POU6F2: variants seen among roughly 807,000 people sequenced by gnomAD.
POU6F2 encodes POU class 6 homeobox 2, also known as POU domain, class 6, transcription factor 2.
A neutral mutation model predicts 71.3 loss-of-function variants in POU6F2; 31 were observed. The observed-to-expected ratio is 0.43, with a 90% CI of 0.33 to 0.59. POU6F2 has a LOEUF of 0.59. Among genes scored for constraint, POU6F2 ranks in the 20% least tolerant of loss-of-function variants. POU6F2 has a pLI of 0.04. For missense variants in POU6F2, 783 were observed against 856.8 expected (o/e 0.91, Z 1.07); for synonymous variants, 347 against 355.7 (o/e 0.98, Z 0.27).
rs542982781 is a variant in POU6F2 at position 39,029,737 on chromosome 7, A to T, written c.105+51679A>T. ...CCTAGTTTGTTGAAAATTTTATCTT[A>T]TATTTTATAATTGTCATGAAATTAT... On this transcript the variant is annotated intron_variant, in intron 1 of 9. Coordinates refer to ENST00000518318, the MANE Select transcript of POU6F2 (RefSeq NM_001370959.1). Among the ~76,000 whole-genome samples, 377 of 152,278 alleles carry T rather than the reference A, an allele frequency of 2.5e-3. 2 individuals are homozygous for T. The highest frequency in any genetic ancestry group is 8.7e-3 in the African/African-American group (361 of 41,576).
intron 1 of POU6F2, among the ~76,000 whole-genome samples, chr7:38,994,943 C>A (rs1427993232): frequency 3.9e-5 from 6 of 152,170 alleles, no homozygotes; most frequent in Admixed American, 3.9e-4. Flanking sequence ...TCCAAGAATC[C>A]CCATTGACAG....
chr7:39,444,387 C>G (rs1788476317), intron 7 of POU6F2, among the ~76,000 whole-genome samples: 1 of 152,188 alleles, frequency 6.6e-6, no homozygotes, highest in Non-Finnish European at 1.5e-5. Context: ...AGTTCGAGAC[C>G]ACCCTGGGTA....
chr7:39,232,303 A>G (rs193211932), intron 4 of POU6F2, among the ~76,000 whole-genome samples: 6 of 152,076 alleles, frequency 3.9e-5, no homozygotes, highest in Admixed American at 1.3e-4. Flanking sequence ...TAAATAGATA[A>G]CAAAAGGTTT....
intron 2 of POU6F2, among the ~76,000 whole-genome samples, chr7:39,122,424 G>A (rs572619569): frequency 2.6e-4 from 39 of 152,246 alleles, no homozygotes; most frequent in African/African-American, 8.7e-4. Flanking sequence ...CACCTGAATG[G>A]GCATGTTCAT....
intron 2 of POU6F2, among the ~76,000 whole-genome samples, chr7:39,154,203 C>T (rs567092066): frequency 6.6e-6 from 1 of 152,138 alleles, no homozygotes; most frequent in Non-Finnish European, 1.5e-5. Flanking sequence ...GTCATTCCCA[C>T]ACTCTGTTGT....
intron 4 of POU6F2, among the ~76,000 whole-genome samples, chr7:39,330,677 A>G (rs1785625428): frequency 6.6e-6 from 1 of 152,230 alleles, no homozygotes; most frequent in African/African-American, 2.4e-5. Context: ...AAATCACACC[A>G]CATTTTACTT....
rs990959007 is a variant in POU6F2 at position 39,302,073 on chromosome 7, G to C, written c.599-37569G>C. 2.6e-5 allele frequency among the ~76,000 whole-genome samples: 4 copies of C among 152,144 alleles called. No individual in the cohort carries two copies. The East Asian group carries it at 5.8e-4, about 22-fold the overall frequency. ...TACAGTTGCTGTGAGTTTTGCATGA[G>C]AATGAAGTCAATTTCTCCAGTCTAT... On this transcript the variant is annotated intron_variant, in intron 4 of 9. Transcript: ENST00000518318.
At chr7:39,265,490 G>A (rs1267079356) in intron 4 of POU6F2, among the ~76,000 whole-genome samples, 1 of 152,096 alleles carries the variant, frequency 6.6e-6, no homozygotes, top group Non-Finnish European at 1.5e-5. Flanking sequence ...ACATTTAAAC[G>A]TTTACATGTG....
At chr7:39,140,270 G>T (rs1302669949) in intron 2 of POU6F2, among the ~76,000 whole-genome samples, 1 of 152,208 alleles carries the variant, frequency 6.6e-6, no homozygotes, top group African/African-American at 2.4e-5. Context: ...GTGGACAGGA[G>T]TCTCTTGGCA....
chr7:39,295,180 A>T (rs1397525959), intron 4 of POU6F2, among the ~76,000 whole-genome samples: 2 of 151,824 alleles, frequency 1.3e-5, no homozygotes, highest in East Asian at 3.9e-4. Context: ...ATTTAGTCCA[A>T]ATTGTCTTTT....
intron 2 of POU6F2, among the ~76,000 whole-genome samples, chr7:39,122,507 T>G (rs549772471): frequency 1.3e-5 from 2 of 152,260 alleles, no homozygotes; most frequent in South Asian, 4.2e-4. Context: ...ACACAAGTAT[T>G]TTAAAAGACA....
chr7:39,466,182 G>A lies in POU6F2; in HGVS notation c.*1496G>A, dbSNP rs555226063. ...GAATTGGGGGCCAGGTTCTTCAGGG[G>A]AAAGGAAGTTTGAAGAAGCTTTCAC... On this transcript the variant is annotated 3_prime_UTR_variant, in exon 10 of 10. Coordinates refer to ENST00000518318, the MANE Select transcript of POU6F2 (RefSeq NM_001370959.1). The A allele has an allele frequency of 6.6e-6, 1 of 152,304 alleles. No individual in the cohort carries two copies. The highest frequency in any genetic ancestry group is 6.5e-5 in the Admixed American group (1 of 15,304). 9.4% of individuals were successfully genotyped at this position (152,304 alleles called of 1,614,324 possible).
At chr7:39,306,012 A>AC (rs896145825) in intron 4 of POU6F2, among the ~76,000 whole-genome samples, 3 of 151,944 alleles carry the variant, frequency 2.0e-5, no homozygotes, top group African/African-American at 7.3e-5. Flanking sequence ...CCTTTAAAAA[A>AC]AAAATCTATA....
In POU6F2 at chr7:39,468,076, T is replaced by C. The variant is rs1332022514; in HGVS notation, c.*3390T>C. 2 of 152,264 alleles carry C rather than the reference T, an allele frequency of 1.3e-5. No homozygotes were observed. The highest frequency in any genetic ancestry group is 2.9e-5 in the Non-Finnish European group (2 of 68,050). The allele number at this position is 152,264 out of a possible 1,614,324, so 9.4% of individuals were successfully genotyped here. On this transcript the variant is annotated 3_prime_UTR_variant, in exon 10 of 10. Coordinates refer to ENST00000518318, the MANE Select transcript of POU6F2 (RefSeq NM_001370959.1). ...AGGAAATTGATTTTCATTTCAATGT[T>C]TGACTGTAAAATCTGTTTGGATAAC...
intron 5 of POU6F2, among the ~76,000 whole-genome samples, chr7:39,393,882 T>C (rs962196343): frequency 2.6e-5 from 4 of 152,220 alleles, no homozygotes; most frequent in African/African-American, 9.7e-5. Flanking sequence ...AATGTGGTTA[T>C]TGGGATGGAA....
intron 7 of POU6F2, among the ~76,000 whole-genome samples, chr7:39,437,123 G>T (rs1788265287): frequency 6.6e-6 from 1 of 152,102 alleles, no homozygotes; most frequent in African/African-American, 2.4e-5. Flanking sequence ...TATCAGGATG[G>T]TGCTGGCTTC....
chr7:39,121,638 C>T (rs1444982649), intron 2 of POU6F2, among the ~76,000 whole-genome samples: 1 of 151,966 alleles, frequency 6.6e-6, no homozygotes. Context: ...GTATATCTAC[C>T]TAGGAGAAAA....
rs373266965 is a variant in POU6F2, at chr7:39,035,495, T to A, written c.106-50365T>A. On this transcript the variant is annotated intron_variant, in intron 1 of 9. Coordinates refer to ENST00000518318, the MANE Select transcript of POU6F2 (RefSeq NM_001370959.1). Reference sequence around the variant, plus strand: ...TCTATGAAGGACTCTTCTTTTGGTGTATCCCACAGGGGAACTGGCAGCGAC... The same window carrying A: ...TCTATGAAGGACTCTTCTTTTGGTGAATCCCACAGGGGAACTGGCAGCGAC... 1.8e-4 allele frequency among the ~76,000 whole-genome samples: 28 copies of A among 152,176 alleles called. No homozygotes were observed. The East Asian group carries it at 3.1e-3, about 17-fold the overall frequency.
At chr7:39,095,038 C>G (rs1791428419) in intron 2 of POU6F2, among the ~76,000 whole-genome samples, 1 of 152,140 alleles carries the variant, frequency 6.6e-6, no homozygotes, top group Admixed American at 6.6e-5. Flanking sequence ...TTGCATGAAA[C>G]TCCTATTTCA....
Sources: gnomAD v4.1 joint callset for allele counts (sites outside exome capture counted in the v4.1 genomes callset) on GRCh38, gnomAD v4.1.1 for gene constraint, MANE v1.5 for transcripts, NCBI Gene and HGNC (gene_info 2026-07-23, HGNC 2026-07-21) for gene names.